The following PIP5K1B variants were observed in gnomAD, a reference collection of about 807,000 sequenced individuals.
PIP5K1B encodes the protein phosphatidylinositol 4-phosphate 5-kinase type-1 beta.
A neutral mutation model predicts 67.0 loss-of-function variants in PIP5K1B; 42 were observed. The ratio of observed to expected loss-of-function variants is 0.63; its 90% CI spans 0.49 to 0.81. PIP5K1B has a LOEUF of 0.81. Ranked by LOEUF, PIP5K1B falls within the 30% of genes least tolerant of loss-of-function variation. The pLI is 0.00. For synonymous variants in PIP5K1B, 214 were observed against 231.4 expected (o/e 0.92, Z 0.68); for missense variants, 459 against 646.3 (o/e 0.71, Z 3.14).
At chr9:68,956,707 G>A (rs1410277813) in intron 14 of PIP5K1B, among the ~76,000 whole-genome samples, 3 of 152,200 alleles carry the variant, frequency 2.0e-5, no homozygotes, top group Admixed American at 1.3e-4. Context: ...GCAGCATTGA[G>A]TCCAAGTTTT....
intron 2 of PIP5K1B, among the ~76,000 whole-genome samples, chr9:68,816,047 T>A (rs552688310): frequency 6.6e-6 from 1 of 152,294 alleles, no homozygotes; most frequent in Admixed American, 6.5e-5. Context: ...TGTTCTAAAA[T>A]AACTATATAT....
chr9:68,811,940 T>G lies in PIP5K1B; in HGVS notation c.-85-6521T>G, dbSNP rs555717835. ...AGGTCTACCACGCAGAGGTAGTGAT[T>G]CCCTGGTTTCAGTGTGTGGCCCCAG... On this transcript the variant is annotated intron_variant, in intron 2 of 15. Coordinates refer to ENST00000265382, the MANE Select transcript of PIP5K1B (RefSeq NM_003558.4). Among the ~76,000 whole-genome samples, 3 of 152,306 alleles carry G rather than the reference T, an allele frequency of 2.0e-5. No individual in the cohort carries two copies. In the South Asian group the frequency reaches 6.2e-4, roughly 32 times the overall value.
chr9:68,934,767 G>A (rs372898141), intron 12 of PIP5K1B, 123 bp from the exon 13 acceptor site: 26 of 611,646 alleles, frequency 4.3e-5, no homozygotes, highest in African/African-American at 3.1e-4. Context: ...TAAAATAAGC[G>A]TCTTGTCTTC....
rs1587430811 is a variant in PIP5K1B, at chr9:68,779,159, A to G, written c.-86+36502A>G. On this transcript the variant is annotated intron_variant, in intron 2 of 15. Coordinates refer to ENST00000265382, the MANE Select transcript of PIP5K1B (RefSeq NM_003558.4). ...AAAAAAACCTTGACTGACTGAATAA[A>G]TGAACAAATAAACTCACTTTTAATG... 2.0e-5 allele frequency among the ~76,000 whole-genome samples: 3 copies of G among 152,336 alleles called. No homozygotes were observed. The South Asian group carries it at 6.2e-4, about 32-fold the overall frequency.
At chr9:68,791,086 T>C (rs970313765) in intron 2 of PIP5K1B, among the ~76,000 whole-genome samples, 1 of 152,186 alleles carries the variant, frequency 6.6e-6, no homozygotes, top group African/African-American at 2.4e-5. Context: ...TTGCCTACAG[T>C]GGTCCCCCAA....
chr9:68,933,351 A>G (rs1444746129), intron 12 of PIP5K1B, among the ~76,000 whole-genome samples: 1 of 152,214 alleles, frequency 6.6e-6, no homozygotes, highest in Non-Finnish European at 1.5e-5. Flanking sequence ...CAGTGTGACA[A>G]TAATGGCTTC....
chr9:68,863,810 A>G (rs773619692), intron 4 of PIP5K1B, 27 bp from the exon 5 acceptor site: 5 of 1,610,378 alleles, frequency 3.1e-6, no homozygotes, highest in Non-Finnish European at 4.2e-6. Flanking sequence ...GTTAAGACTA[A>G]TGTTGAGACC....
chr9:68,903,149 G>A (rs948907163), intron 8 of PIP5K1B, among the ~76,000 whole-genome samples: 1 of 152,096 alleles, frequency 6.6e-6, no homozygotes, highest in African/African-American at 2.4e-5. Flanking sequence ...CTAAAAATCT[G>A]CTCTGTGGGA....
At chr9:69,005,380 ATTTATTTTAT>A (rs938073601) in intron 15 of PIP5K1B, among the ~76,000 whole-genome samples, 1 of 152,020 alleles carries the variant, frequency 6.6e-6, no homozygotes, top group Non-Finnish European at 1.5e-5. Context: ...ATTTACAGCA[ATTTATTTTAT>A]TTTATTTTAT....
chr9:68,983,896 T>A (rs533653455), intron 14 of PIP5K1B, among the ~76,000 whole-genome samples: 3 of 152,144 alleles, frequency 2.0e-5, no homozygotes, highest in African/African-American at 7.2e-5. Flanking sequence ...ACCAAAAAAA[T>A]TTTAAAAAGA....
chr9:68,924,043 C>G (rs2027205), intron 12 of PIP5K1B, among the ~76,000 whole-genome samples: 98,329 of 149,552 alleles, frequency 0.66, 35,114 homozygotes, highest in Non-Finnish European at 0.78. Context: ...ACAAACATAC[C>G]AAAAATTTAT....
chr9:68,917,788 T>C, intron 9 of PIP5K1B, 29 bp downstream of exon 9: 2 of 1,540,438 alleles, frequency 1.3e-6, no homozygotes, highest in Non-Finnish European at 1.8e-6. Context: ...CTACCCACCC[T>C]CTTGACTGTG....
intron 2 of PIP5K1B, among the ~76,000 whole-genome samples, chr9:68,773,197 A>G (rs1051050367): frequency 3.3e-5 from 5 of 152,232 alleles, no homozygotes; most frequent in Non-Finnish European, 7.3e-5. Context: ...CATGTTTTAA[A>G]GTTAACTTTA....
intron 2 of PIP5K1B, chr9:68,784,301 G>A (rs1195180523): frequency 1.3e-5 from 2 of 153,470 alleles, no homozygotes; most frequent in African/African-American, 5.4e-5. Context: ...AAGTCCTAAA[G>A]TCAATAGCAA....
At chr9:68,994,037 A>T (rs1490401688) in intron 15 of PIP5K1B, among the ~76,000 whole-genome samples, 6 of 118,594 alleles carry the variant, frequency 5.1e-5, no homozygotes, top group Non-Finnish European at 8.5e-5. Flanking sequence ...TTTTTCCTGA[A>T]TTTTTTTTTT....
At chr9:68,911,017 T>G (rs1435081230) in intron 8 of PIP5K1B, among the ~76,000 whole-genome samples, 3 of 152,102 alleles carry the variant, frequency 2.0e-5, no homozygotes, top group Admixed American at 2.0e-4. Context: ...ACTGAAGGCT[T>G]TGAGTAGGGA....
intron 4 of PIP5K1B, among the ~76,000 whole-genome samples, chr9:68,823,308 G>A (rs892903134): frequency 1.3e-5 from 2 of 152,170 alleles, no homozygotes; most frequent in Non-Finnish European, 2.9e-5. Context: ...ATTGAGTGAA[G>A]AGAGTTGTTT....
chr9:68,965,441 G>C (rs1828970169), intron 14 of PIP5K1B: 1 of 152,122 alleles, frequency 6.6e-6, no homozygotes, highest in African/African-American at 2.4e-5. Flanking sequence ...TCACAGGCTG[G>C]GAATGACTTA....
intron 2 of PIP5K1B, among the ~76,000 whole-genome samples, chr9:68,793,637 T>A (rs1056897971): frequency 2.0e-5 from 3 of 151,192 alleles, no homozygotes; most frequent in Non-Finnish European, 4.4e-5. Context: ...ATGGGTGGAG[T>A]AGGATATTTT....
Sources: gnomAD v4.1 joint callset for allele counts (sites outside exome capture counted in the v4.1 genomes callset) on GRCh38, gnomAD v4.1.1 for gene constraint, MANE v1.5 for transcripts, NCBI Gene and HGNC (gene_info 2026-07-23, HGNC 2026-07-21) for gene names.